The following ST18 variants were observed in gnomAD, a reference collection of about 807,000 sequenced individuals.
ST18 encodes the protein suppression of tumorigenicity 18 protein.
A neutral mutation model predicts 110.0 loss-of-function variants in ST18; 50 were observed. That is an observed-to-expected ratio of 0.45 (90% CI 0.36 to 0.58). The LOEUF (loss-of-function observed/expected upper bound fraction) is 0.58. Among genes scored for constraint, ST18 ranks in the 20% least tolerant of loss-of-function variants. The pLI, the probability that ST18 is intolerant of heterozygous loss-of-function variation, is 0.00. For synonymous variants in ST18, 461 were observed against 452.4 expected (o/e 1.02, Z -0.24); for missense variants, 1,306 against 1,280.1 (o/e 1.02, Z -0.31).
At chr8:52,154,534 G>T (rs1187304330) in intron 15 of ST18, 1 of 152,180 alleles carries the variant, frequency 6.6e-6, no homozygotes, top group Non-Finnish European at 1.5e-5. Flanking sequence ...AAACGGGAGT[G>T]CATCTGCCTG....
intron 22 of ST18, among the ~76,000 whole-genome samples, chr8:52,130,143 G>GA (rs1366752738): frequency 6.7e-6 from 1 of 149,706 alleles, no homozygotes; most frequent in African/African-American, 2.5e-5. Context: ...AAGAAAGAAA[G>GA]AAAGAAAGAA....
chr8:52,381,668 A>G (rs1834574647), intron 2 of ST18, among the ~76,000 whole-genome samples: 1 of 152,166 alleles, frequency 6.6e-6, no homozygotes, highest in Admixed American at 6.5e-5. Context: ...AATAATTATC[A>G]TACACTGCTG....
chr8:52,345,211 C>A (rs1188663011), intron 2 of ST18, among the ~76,000 whole-genome samples: 1 of 152,114 alleles, frequency 6.6e-6, no homozygotes, highest in Non-Finnish European at 1.5e-5. Context: ...CTCATCATAA[C>A]AATATCACTT....
At chr8:52,395,057 C>T (rs189825563) in intron 2 of ST18, among the ~76,000 whole-genome samples, 1 of 152,252 alleles carries the variant, frequency 6.6e-6, no homozygotes, top group East Asian at 1.9e-4. Flanking sequence ...GGAGGTCTCT[C>T]ATTGGAAAAA....
intron 17 of ST18, 164 bp from the exon 18 acceptor site, chr8:52,137,647 A>T: frequency 1.7e-6 from 1 of 584,950 alleles, no homozygotes; most frequent in Non-Finnish European, 2.9e-6. Flanking sequence ...TATAAGAACC[A>T]GTGGACTACC....
chr8:52,216,626 T>C (rs1234604458), intron 6 of ST18, among the ~76,000 whole-genome samples: 1 of 152,144 alleles, frequency 6.6e-6, no homozygotes, highest in Non-Finnish European at 1.5e-5. Context: ...ACTGAAGGCA[T>C]ATGTGTTTTT....
chr8:52,388,829 G>GA (rs1838013515), intron 2 of ST18, among the ~76,000 whole-genome samples: 1 of 119,430 alleles, frequency 8.4e-6, no homozygotes, highest in East Asian at 2.6e-4. Flanking sequence ...GTGGGGGGAG[G>GA]GGGGAGGGAT....
chr8:52,367,773 T>C (rs1390247598), intron 2 of ST18, among the ~76,000 whole-genome samples: 1 of 152,186 alleles, frequency 6.6e-6, no homozygotes, highest in East Asian at 1.9e-4. Flanking sequence ...AGAATGATCA[T>C]GAAAATATGG....
At chr8:52,322,445 T>C (rs1804371908) in intron 2 of ST18, among the ~76,000 whole-genome samples, 1 of 152,368 alleles carries the variant, frequency 6.6e-6, no homozygotes, top group African/African-American at 2.4e-5. Context: ...ATAGAAATTG[T>C]GACAATGATA....
chr8:52,266,305 G>A (rs2094866248), intron 2 of ST18, among the ~76,000 whole-genome samples: 1 of 152,174 alleles, frequency 6.6e-6, no homozygotes, highest in Admixed American at 6.5e-5. Context: ...TAATAGGGAT[G>A]TAAGTGTAGT....
At chr8:52,245,913 A>G (rs1157915801) in intron 2 of ST18, among the ~76,000 whole-genome samples, 1 of 152,134 alleles carries the variant, frequency 6.6e-6, no homozygotes, top group Admixed American at 6.6e-5. Flanking sequence ...CAATTTACCT[A>G]TGGCCACAAG....
intron 2 of ST18, among the ~76,000 whole-genome samples, chr8:52,294,214 T>A (rs1377605138): frequency 6.6e-6 from 1 of 152,094 alleles, no homozygotes; most frequent in Non-Finnish European, 1.5e-5. Flanking sequence ...TTTAAACAAA[T>A]TTGCCCTGAA....
At chr8:52,140,427 G>A (rs1191105276) in intron 17 of ST18, among the ~76,000 whole-genome samples, 2 of 152,152 alleles carry the variant, frequency 1.3e-5, no homozygotes, top group Non-Finnish European at 2.9e-5. Context: ...CTGCCTGGGA[G>A]GTTGAGGTGG....
chr8:52,363,165 T>C (rs574331758), intron 2 of ST18, among the ~76,000 whole-genome samples: 3 of 152,140 alleles, frequency 2.0e-5, no homozygotes, highest in African/African-American at 7.2e-5. Flanking sequence ...TGAGCCGAGA[T>C]CAGCCACTGC....
chr8:52,211,902 G>A (rs549312808), intron 8 of ST18, among the ~76,000 whole-genome samples, 177 bp downstream of exon 8: 91 of 152,116 alleles, frequency 6.0e-4, no homozygotes, highest in Non-Finnish European at 1.2e-3. Flanking sequence ...TCAGGATCGA[G>A]TATCAGTACA....
chr8:52,281,807 A>G (rs140514436), intron 2 of ST18, among the ~76,000 whole-genome samples: 2 of 152,314 alleles, frequency 1.3e-5, no homozygotes, highest in African/African-American at 2.4e-5. Flanking sequence ...AAAACCAAAC[A>G]TCATATGTTT....
intron 15 of ST18, among the ~76,000 whole-genome samples, chr8:52,153,804 A>C (rs887193797): frequency 4.6e-5 from 7 of 152,226 alleles, no homozygotes; most frequent in African/African-American, 1.4e-4. Context: ...AGAGAAAGTA[A>C]TTTAGTATCT....
intron 2 of ST18, among the ~76,000 whole-genome samples, chr8:52,358,846 T>C (rs1824351228): frequency 6.6e-6 from 1 of 151,772 alleles, no homozygotes; most frequent in Non-Finnish European, 1.5e-5. Context: ...GAAGAAGGAA[T>C]GCATCCCAAC....
chr8:52,292,384 T>TGC (rs1484806812), intron 2 of ST18, among the ~76,000 whole-genome samples: 3 of 150,966 alleles, frequency 2.0e-5, no homozygotes, highest in Non-Finnish European at 3.0e-5. Flanking sequence ...TGCATGTATG[T>TGC]GTGTGTGTGT....
Sources: gnomAD v4.1 joint callset for allele counts (sites outside exome capture counted in the v4.1 genomes callset) on GRCh38, gnomAD v4.1.1 for gene constraint, MANE v1.5 for transcripts, NCBI Gene and HGNC (gene_info 2026-07-23, HGNC 2026-07-21) for gene names.